SLC25A26: variants seen among roughly 807,000 people sequenced by gnomAD.
The protein encoded by SLC25A26 is solute carrier family 25 member 26, also known as mitochondrial S-adenosylmethionine carrier protein.
SLC25A26 carries 36 observed loss-of-function variants against 37.8 expected under a neutral mutation model. That is an observed-to-expected ratio of 0.95 (90% CI 0.73 to 1.26). SLC25A26 has a LOEUF of 1.26. Ranked by LOEUF, SLC25A26 falls within the 50% of genes most tolerant of loss-of-function variation. The pLI, the probability that SLC25A26 is intolerant of heterozygous loss-of-function variation, is 0.00. For missense variants in SLC25A26, 390 were observed against 331.1 expected (o/e 1.18, Z -1.38); for synonymous variants, 129 against 122.5 (o/e 1.05, Z -0.35).
intron 5 of SLC25A26, among the ~76,000 whole-genome samples, chr3:66,313,757 G>T (rs1053770852): frequency 6.6e-6 from 1 of 152,164 alleles, no homozygotes; most frequent in African/African-American, 2.4e-5. Flanking sequence ...CATGAGCGTG[G>T]AATGTTTATC....
chr3:66,156,460 G>C (rs2070284432), intron 1 of SLC25A26, among the ~76,000 whole-genome samples: 2 of 152,134 alleles, frequency 1.3e-5, no homozygotes, highest in Non-Finnish European at 2.9e-5. Context: ...TAGGGCCAGG[G>C]GTGGGAAGGG....
At chr3:66,171,310 C>CCT (rs1319892003) in intron 1 of SLC25A26, among the ~76,000 whole-genome samples, 1 of 152,116 alleles carries the variant, frequency 6.6e-6, no homozygotes, top group African/African-American at 2.4e-5. Flanking sequence ...GAGTGGAGTC[C>CCT]TCACATCTGG....
intron 1 of SLC25A26, among the ~76,000 whole-genome samples, chr3:66,225,679 T>C (rs2071711564): frequency 6.6e-6 from 1 of 152,202 alleles, no homozygotes; most frequent in Non-Finnish European, 1.5e-5. Context: ...TACCGCATCA[T>C]CAGGCTGCAA....
chr3:66,263,967 C>T (rs1034140485), intron 5 of SLC25A26, among the ~76,000 whole-genome samples: 8 of 151,832 alleles, frequency 5.3e-5, no homozygotes, highest in Admixed American at 3.3e-4. Context: ...CTCCCGGCCT[C>T]TTATAGTTGA....
chr3:66,310,686 G>A lies in SLC25A26; in HGVS notation c.454-35678G>A, dbSNP rs552727964. ...TCAGGAGCTCTTGTAAGGCAGGCCC[G>A]GTGGTGACAAAATCTCTTAGCATTT... On this transcript the variant is annotated intron_variant, in intron 5 of 9. Transcript: ENST00000354883. Among the ~76,000 whole-genome samples, 13 of 152,234 alleles carry A rather than the reference G, an allele frequency of 8.5e-5. No homozygotes were observed. In the East Asian group the frequency reaches 1.4e-3, roughly 16 times the overall value.
intron 5 of SLC25A26, among the ~76,000 whole-genome samples, chr3:66,282,332 G>A (rs2074375087): frequency 6.6e-6 from 1 of 152,156 alleles, no homozygotes; most frequent in African/African-American, 2.4e-5. Flanking sequence ...TTTTAGTAGA[G>A]TTGGAGTTTC....
intron 6 of SLC25A26, among the ~76,000 whole-genome samples, chr3:66,349,729 C>A (rs2076407018): frequency 6.6e-6 from 1 of 151,978 alleles, no homozygotes; most frequent in Admixed American, 6.6e-5. Flanking sequence ...GAGTAGCATC[C>A]CTGGGTCATA....
upstream of SLC25A26, chr3:66,220,847 C>T: frequency 1.8e-6 from 1 of 564,586 alleles, no homozygotes; most frequent in Non-Finnish European, 3.1e-6. Flanking sequence ...AACGCTGCTG[C>T]AGGAAACCGA....
chr3:66,349,509 A>G (rs2076402004), intron 6 of SLC25A26, among the ~76,000 whole-genome samples: 1 of 151,460 alleles, frequency 6.6e-6, no homozygotes. Flanking sequence ...AATATTTTTG[A>G]GATGCTTTCC....
At chr3:66,358,957 G>A (rs983293142) in intron 6 of SLC25A26, among the ~76,000 whole-genome samples, 1 of 152,186 alleles carries the variant, frequency 6.6e-6, no homozygotes, top group Non-Finnish European at 1.5e-5. Context: ...TTTACGTCAT[G>A]CTTTGTGTTT....
intron 9 of SLC25A26, among the ~76,000 whole-genome samples, chr3:66,371,630 C>T (rs543163754): frequency 2.0e-4 from 30 of 152,182 alleles, no homozygotes; most frequent in African/African-American, 6.7e-4. Context: ...CTAGTGAGAG[C>T]GTGGGAAGGG....
At chr3:66,245,593 A>G (rs1275821783) in intron 3 of SLC25A26, among the ~76,000 whole-genome samples, 4 of 151,302 alleles carry the variant, frequency 2.6e-5, no homozygotes, top group Non-Finnish European at 1.5e-5. Context: ...TGGGAAATGA[A>G]TTAACCTTTA....
chr3:66,333,238 A>T (rs931947633), intron 5 of SLC25A26, among the ~76,000 whole-genome samples: 2 of 152,124 alleles, frequency 1.3e-5, no homozygotes, highest in Non-Finnish European at 2.9e-5. Context: ...CTGCTTTATT[A>T]CTGCCTCTCC....
At chr3:66,217,852 A>T (rs2071384507), upstream of SLC25A26, among the ~76,000 whole-genome samples, 1 of 152,210 alleles carries the variant, frequency 6.6e-6, no homozygotes, top group South Asian at 2.1e-4. Flanking sequence ...GCCCAGCCTT[A>T]TAGTTTATAT....
At chr3:66,283,860 G>T (rs1339215986) in intron 5 of SLC25A26, among the ~76,000 whole-genome samples, 1 of 152,116 alleles carries the variant, frequency 6.6e-6, no homozygotes, top group Non-Finnish European at 1.5e-5. Flanking sequence ...TCTATCTCTT[G>T]AACATGGTAT....
intron 5 of SLC25A26, among the ~76,000 whole-genome samples, chr3:66,320,979 G>A (rs2075678142): frequency 6.6e-6 from 1 of 152,170 alleles, no homozygotes; most frequent in Non-Finnish European, 1.5e-5. Flanking sequence ...CAACTTTCAA[G>A]ATGATGGTAT....
Position 66,294,641 on chromosome 3 carries a change from A to G in SLC25A26, c.453+31262A>G, listed in dbSNP as rs529474630. Among the ~76,000 whole-genome samples, 13 of 152,198 alleles carry G rather than the reference A, an allele frequency of 8.5e-5. No individual in the cohort carries two copies. The South Asian group carries it at 1.4e-3, about 17-fold the overall frequency. On this transcript the variant is annotated intron_variant, in intron 5 of 9. Coordinates refer to ENST00000354883, the MANE Select transcript of SLC25A26 (RefSeq NM_001379210.1). ...GGAAGGCTCTGTGTGATGTTCTCATATAAATTATAGAAATGAGTAGTCTTA... is the reference window on the plus strand; with the variant it reads ...GGAAGGCTCTGTGTGATGTTCTCATGTAAATTATAGAAATGAGTAGTCTTA...
chr3:66,147,004 T>C (rs2070124128), intron 1 of SLC25A26, among the ~76,000 whole-genome samples: 1 of 151,142 alleles, frequency 6.6e-6, no homozygotes, highest in African/African-American at 2.4e-5. Context: ...ATGACATTGT[T>C]TCATTCCCTT....
chr3:66,364,774 C>A (rs1166986283), intron 7 of SLC25A26, among the ~76,000 whole-genome samples: 1 of 152,012 alleles, frequency 6.6e-6, no homozygotes, highest in African/African-American at 2.4e-5. Flanking sequence ...AATGTCATAT[C>A]AATAAAGTTA....
Sources: gnomAD v4.1 joint callset for allele counts (sites outside exome capture counted in the v4.1 genomes callset) on GRCh38, gnomAD v4.1.1 for gene constraint, MANE v1.5 for transcripts, NCBI Gene and HGNC (gene_info 2026-07-23, HGNC 2026-07-21) for gene names.